SLC1A6: variants seen among roughly 807,000 people sequenced by gnomAD.
The protein encoded by SLC1A6 is excitatory amino acid transporter 4.
SLC1A6 carries 15 observed loss-of-function variants against 42.1 expected under a neutral mutation model. The observed-to-expected ratio is 0.36, with a 90% confidence interval of 0.24 to 0.55. The LOEUF (loss-of-function observed/expected upper bound fraction) is 0.55, where lower values mean the gene tolerates loss of function less well. SLC1A6 is among the 20% of genes least tolerant of loss of function. The pLI, the probability that SLC1A6 is intolerant of heterozygous loss-of-function variation, is 0.88. For missense variants in SLC1A6, 542 were observed against 772.5 expected (o/e 0.70, Z 3.54); for synonymous variants, 317 against 319.7 (o/e 0.99, Z 0.09).
intron 1 of SLC1A6, among the ~76,000 whole-genome samples, chr19:14,989,070 T>C (rs2045806121): frequency 6.6e-6 from 1 of 152,026 alleles, no homozygotes; most frequent in East Asian, 1.9e-4. Flanking sequence ...AAATGGGAGC[T>C]AAACGATGGG....
intron 1 of SLC1A6, chr19:14,975,235 C>T (rs1264722800): frequency 2.1e-4 from 3 of 14,496 alleles, no homozygotes; most frequent in African/African-American, 9.9e-4. Flanking sequence ...TCTGCAGCAC[C>T]GTAGAGGGAC....
intron 1 of SLC1A6, among the ~76,000 whole-genome samples, chr19:14,990,972 T>C (rs2045817237): frequency 6.6e-6 from 1 of 152,216 alleles, no homozygotes; most frequent in South Asian, 2.1e-4. Context: ...CCACAATGTG[T>C]GTGTGTATAT....
chr19:15,006,315 T>C (rs2045895418), intron 1 of SLC1A6, among the ~76,000 whole-genome samples: 1 of 152,148 alleles, frequency 6.6e-6, no homozygotes. Flanking sequence ...TGAATCCTAG[T>C]TCATCTGGAT....
rs753288163 is a variant in SLC1A6 at position 14,968,424 on chromosome 19, C to A, written c.427G>T (p.Val143Phe). 1 of 1,613,780 alleles carries A rather than the reference C, an allele frequency of 6.2e-7. No individual in the cohort carries two copies. Among genetic ancestry groups the A allele is most frequent in the Non-Finnish European group, 8.5e-7 (1 of 1,179,900 alleles). The change falls in exon 4 of 10, where the codon GTC becomes TTC. Residue 143 changes from valine (V) to phenylalanine (F), a missense_variant. Val to Phe is a conservative substitution (Grantham distance 50). Coordinates refer to ENST00000594383, the MANE Select transcript of SLC1A6 (RefSeq NM_005071.3). ...VYYMVTTIIA[V>F]FIGILMVTII... ...GTGACCATGAGGATGCCGATGAAGA[C>A]CGCGATGATGGTGGTCACCATGTAG...
upstream of SLC1A6, among the ~76,000 whole-genome samples, chr19:14,981,027 C>G (rs2145224302): frequency 6.6e-6 from 1 of 151,932 alleles, no homozygotes; most frequent in African/African-American, 2.4e-5. Flanking sequence ...ACATAGTGGC[C>G]CATGCATGTA....
At position 15,007,553 on chromosome 19, in the gene SLC1A6, C is replaced by CAA. The variant is rs35497972; in HGVS notation, c.6+2930_6+2931dup. ...TTGTATTTATGAAAATTTCATCTCA[C>CAA]AAAAAAAAATCAAGTAAGATGATCA... On this transcript the variant is annotated intron_variant, in intron 1 of 8. Coordinates refer to the SLC1A6 transcript ENST00000430939. 4.7e-3 allele frequency among the ~76,000 whole-genome samples: 716 copies of CAA among 151,092 alleles called. 4 individuals carry two copies. Among genetic ancestry groups the CAA allele is most frequent in the African/African-American group, 0.016 (671 of 41,156 alleles).
At chr19:14,984,757 CA>C (rs2045784976), upstream of SLC1A6, among the ~76,000 whole-genome samples, 1 of 152,302 alleles carries the variant, frequency 6.6e-6, no homozygotes, top group Admixed American at 6.5e-5. Context: ...TTTCATTATG[CA>C]ATAGCAAAAA....
At chr19:15,009,999 G>A (rs1333474227) in intron 1 of SLC1A6, among the ~76,000 whole-genome samples, 2 of 132,128 alleles carry the variant, frequency 1.5e-5, no homozygotes, top group Non-Finnish European at 3.2e-5. Context: ...CCAACATGGC[G>A]AAACCCCGTC....
At chr19:14,955,962 T>C (rs2145169219) in intron 7 of SLC1A6, among the ~76,000 whole-genome samples, 1 of 152,172 alleles carries the variant, frequency 6.6e-6, no homozygotes, top group African/African-American at 2.4e-5. Flanking sequence ...AATTCTTCCA[T>C]CTTTTTGGCT....
At chr19:14,964,801 AG>A (rs2145186825) in intron 4 of SLC1A6, among the ~76,000 whole-genome samples, 1 of 152,338 alleles carries the variant, frequency 6.6e-6, no homozygotes, top group South Asian at 2.1e-4. Context: ...TGATTAAGGT[AG>A]AACCATGGCT....
At chr19:14,993,873 G>C (rs191701582) in intron 1 of SLC1A6, among the ~76,000 whole-genome samples, 46 of 152,066 alleles carry the variant, frequency 3.0e-4, no homozygotes, top group Admixed American at 2.8e-3. Flanking sequence ...TGTGCAGATG[G>C]GCTGTGAGCT....
At chr19:14,995,326 C>CAAAAAAAAA (rs1173848535) in intron 1 of SLC1A6, among the ~76,000 whole-genome samples, 2 of 53,022 alleles carry the variant, frequency 3.8e-5, no homozygotes, top group Non-Finnish European at 6.9e-5. Context: ...ACTCCATCTC[C>CAAAAAAAAA]AAAAAAAAAA....
intron 1 of SLC1A6, chr19:15,010,448 T>A (rs1376257669): frequency 6.2e-6 from 3 of 486,678 alleles, no homozygotes; most frequent in Admixed American, 2.3e-5. Context: ...GCGAGAGGAA[T>A]GCCTGGTGAG....
At chr19:14,954,408 G>T in intron 7 of SLC1A6, 79 bp from the exon 8 acceptor site, 1 of 1,326,812 alleles carries the variant, frequency 7.5e-7, no homozygotes, top group Non-Finnish European at 1.1e-6. Flanking sequence ...GGCCTAGTGG[G>T]GCAGGGCAGA....
upstream of SLC1A6, among the ~76,000 whole-genome samples, chr19:14,983,242 A>G (rs141116868): frequency 3.3e-5 from 5 of 152,300 alleles, no homozygotes; most frequent in East Asian, 9.6e-4. Flanking sequence ...GTGAACAAGC[A>G]TCCTATTTGT....
At chr19:14,995,344 AG>A (rs67337817) in intron 1 of SLC1A6, among the ~76,000 whole-genome samples, 22,893 of 73,250 alleles carry the variant, frequency 0.31, 2,942 homozygotes, top group African/African-American at 0.36. Flanking sequence ...AAAAAAAAAA[AG>A]AAAGAAAGAA....
rs1428568166 is a variant in SLC1A6 at position 14,962,450 on chromosome 19, GATCGATAAGATCTTCATT to G, written c.592-123_592-106del. 8.2e-6 allele frequency: 6 copies of G among 735,976 alleles called. No individual in the cohort carries two copies. In the Admixed American group the frequency reaches 1.2e-4, roughly 15 times the overall value. 45.6% of individuals were successfully genotyped at this position (735,976 alleles called of 1,614,324 possible). A position where few individuals can be genotyped will look rare whatever the true frequency, so the allele number is the denominator to read the frequency against. On this transcript the variant is annotated intron_variant, in intron 5 of 9. Transcript: ENST00000594383. ...GATTCCCAGTTCCCACACCCTGGAA[GATCGATAAGATCTTCATT>G]ATCGATTATCACTCATTATCGACTA...
At position 14,954,308 on chromosome 19, in the gene SLC1A6, G is replaced by C; in HGVS notation, c.1191C>G (p.Thr397=). 1 of 1,610,420 alleles carries C rather than the reference G, an allele frequency of 6.2e-7. No homozygotes were observed. Among genetic ancestry groups the C allele is most frequent in the Non-Finnish European group, 8.5e-7 (1 of 1,179,982 alleles). The part of the protein sequence containing the change: ...TSSSSATLPI[T]FRCLEEGLGV... ...CCAGGCCCTCCTCCAGGCAGCGGAA[G>C]GTGATGGGCAGCGTTGCCGAGCTGG... is the stretch of plus-strand genomic sequence containing the variant. Residue 397 remains threonine (T), a synonymous_variant, in exon 8 of 10, where the codon ACC becomes ACG. Transcript: ENST00000594383.
rs565774047 is a variant in SLC1A6 at position 15,006,689 on chromosome 19, C to T, written c.6+3796G>A. The stretch of plus-strand genomic sequence containing the variant: ...CTGTAATCCCAGCACCTTTGTAGGC[C>T]GAGGCAGGAGAATTACTTAAGGCCA... On this transcript the variant is annotated intron_variant, in intron 1 of 8. Transcript: ENST00000430939. Among the ~76,000 whole-genome samples the T allele has an allele frequency of 1.5e-3, 225 of 147,594 alleles. 3 individuals are homozygous for T. The highest frequency in any genetic ancestry group is 7.0e-3 in the Middle Eastern group (2 of 286).
Sources: allele counts gnomAD v4.1 joint callset (sites outside exome capture counted in the v4.1 genomes callset), GRCh38; gene constraint gnomAD v4.1.1; transcripts MANE v1.5; gene names NCBI Gene and HGNC (gene_info 2026-07-23, HGNC 2026-07-21).